TRIO: variants seen among roughly 807,000 people sequenced by gnomAD.
The protein encoded by TRIO is trio Rho guanine nucleotide exchange factor, also known as triple functional domain protein.
A neutral mutation model predicts 351.9 loss-of-function variants in TRIO; 58 were observed. That is an observed-to-expected ratio of 0.16 (90% CI 0.13 to 0.21). The LOEUF is 0.21. Among genes scored for constraint, TRIO ranks in the 10% least tolerant of loss-of-function variants. The pLI is 1.00. For missense variants in TRIO, 3,201 were observed against 4,027.8 expected, an observed-to-expected ratio of 0.79 and a Z score of 5.56; for synonymous variants, 1,758 against 1,595.7, an observed-to-expected ratio of 1.10 and a Z score of -2.42.
intron 34 of TRIO, among the ~76,000 whole-genome samples, chr5:14,452,258 G>A (rs1040135816): frequency 1.3e-5 from 2 of 152,174 alleles, no homozygotes; most frequent in Admixed American, 6.5e-5. Context: ...TCGTCTCGCC[G>A]CTCTGCTTCA....
intron 10 of TRIO, among the ~76,000 whole-genome samples, chr5:14,333,726 A>T (rs1011646076): frequency 2.0e-5 from 3 of 152,174 alleles, no homozygotes; most frequent in Non-Finnish European, 4.4e-5. Context: ...GCAAAGTCTC[A>T]TGCACCTTTG....
intron 1 of TRIO, among the ~76,000 whole-genome samples, chr5:14,232,301 C>T (rs976144910): frequency 1.3e-5 from 2 of 152,222 alleles, no homozygotes; most frequent in Non-Finnish European, 2.9e-5. Context: ...AATACACCTT[C>T]CATACCACTC....
chr5:14,488,137 G>A lies in TRIO; in HGVS notation c.7509G>A (p.Pro2503=), dbSNP rs745550470. The change falls in exon 48 of 57, where the codon CCG becomes CCA. Residue 2503 remains proline, a synonymous_variant. Transcript: ENST00000344204. Reference sequence around the variant, plus strand: ...GCCGACCCGGCTCCTTCACCTTCCCGGGGGACAGCGACTCCCTCCAGCGGC... The same window carrying A: ...GCCGACCCGGCTCCTTCACCTTCCCAGGGGACAGCGACTCCCTCCAGCGGC... ...PASRPGSFTF[P]GDSDSLQRQT... is the part of the protein sequence containing the mutation. The A allele has an allele frequency of 6.8e-6, 11 of 1,607,882 alleles. No homozygotes were observed. Among genetic ancestry groups the A allele is most frequent in the Middle Eastern group, 1.6e-4 (1 of 6,080 alleles).
chr5:14,387,814 A>G lies in TRIO; in HGVS notation c.3848A>G (p.Asn1283Ser). Reference protein sequence around the residue: ...VKLRDAAHELNEEKRKSARRK... With the variant: ...VKLRDAAHELSEEKRKSARRK... Reference sequence around the variant, plus strand: ...CTTCGAGATGCTGCTCATGAACTTAATGAAGAGAAGCGGAAATCTGCCCGC... The same window carrying G: ...CTTCGAGATGCTGCTCATGAACTTAGTGAAGAGAAGCGGAAATCTGCCCGC... The change falls in exon 23 of 57, where the codon AAT becomes AGT. Residue 1283 changes from asparagine (N) to serine (S), a missense_variant. By Grantham distance (46) the Asn-to-Ser change is conservative. Transcript: ENST00000344204. 6.2e-7 allele frequency: 1 copy of G among 1,614,188 alleles called. No individual in the cohort carries two copies. Among genetic ancestry groups the G allele is most frequent in the Non-Finnish European group, 8.5e-7 (1 of 1,180,048 alleles).
chr5:14,258,040 A>ACC lies in TRIO; in HGVS notation c.158-12779_158-12778dup, dbSNP rs368915850. ...AGAGACTAGGTAACTGCCCACAGTC[A>ACC]CCCCCCCTGGGAGGTGGCAAGCCCA... On this transcript the variant is annotated intron_variant, in intron 1 of 56. Coordinates refer to ENST00000344204, the MANE Select transcript of TRIO (RefSeq NM_007118.4). 4.9e-3 allele frequency among the ~76,000 whole-genome samples: 750 copies of ACC among 152,002 alleles called. 6 individuals are homozygous for ACC. The highest frequency in any genetic ancestry group is 0.016 in the African/African-American group (668 of 41,376).
At chr5:14,435,673 CTTATATCAG>C (rs1211294756) in intron 34 of TRIO, among the ~76,000 whole-genome samples, 1 of 152,160 alleles carries the variant, frequency 6.6e-6, no homozygotes, top group Non-Finnish European at 1.5e-5. Flanking sequence ...CCATTCTTTA[CTTATATCAG>C]TTGGAGTCGT....
chr5:14,200,696 G>T (rs1456319056), intron 1 of TRIO, among the ~76,000 whole-genome samples: 1 of 152,174 alleles, frequency 6.6e-6, no homozygotes, highest in Non-Finnish European at 1.5e-5. Context: ...GTAAGGGAGG[G>T]AGTCATTGAT....
chr5:14,439,386 A>G (rs1751846309), intron 34 of TRIO, among the ~76,000 whole-genome samples: 1 of 152,184 alleles, frequency 6.6e-6, no homozygotes, highest in South Asian at 2.1e-4. Flanking sequence ...TATTGTACTC[A>G]TTTTTAAGCT....
At chr5:14,207,493 C>CACACACACAG (rs1554033481) in intron 1 of TRIO, among the ~76,000 whole-genome samples, 1 of 60,018 alleles carries the variant, frequency 1.7e-5, no homozygotes, top group Non-Finnish European at 4.1e-5. Context: ...CACACACACA[C>CACACACACAG]AGCCAGGTAG....
intron 1 of TRIO, among the ~76,000 whole-genome samples, chr5:14,236,996 A>T (rs1368117654): frequency 6.6e-6 from 1 of 152,126 alleles, no homozygotes; most frequent in African/African-American, 2.4e-5. Context: ...AACCTGGTGC[A>T]CCTTTGTAAG....
rs1737428534 is a variant in TRIO, at chr5:14,297,108, G to A, written c.1213G>A (p.Ala405Thr). ...YVNINRIMSV[A>T]NRLVESGHYA... The stretch of plus-strand genomic sequence containing the variant: ...AAATATAAACCGCATCATGTCGGTG[G>A]CCAATCGTCTGGTGGAGTCTGGCCA... The change falls in exon 7 of 57, where the codon GCC becomes ACC. Residue 405 changes from alanine to threonine, a missense_variant. By Grantham distance (58) the Ala-to-Thr change is moderately conservative. Around this residue, in one of 19 missense-constraint regions of TRIO, gnomAD observed 349 missense variants for 449.3 expected, o/e 0.78. Transcript: ENST00000344204. 6.2e-7 allele frequency: 1 copy of A among 1,613,672 alleles called. No individual in the cohort carries two copies. Among genetic ancestry groups the A allele is most frequent in the Admixed American group, 1.7e-5 (1 of 59,996 alleles).
At chr5:14,381,297 C>T (rs764416886) in intron 21 of TRIO, 45 bp downstream of exon 21, 3 of 1,540,786 alleles carry the variant, frequency 1.9e-6, no homozygotes, top group Non-Finnish European at 2.6e-6. Context: ...AAGTCGAAAG[C>T]GAGTCTTCAA....
At chr5:14,397,281 A>T in intron 29 of TRIO, 127 bp downstream of exon 29, 1 of 720,120 alleles carries the variant, frequency 1.4e-6, no homozygotes, top group East Asian at 2.8e-5. Flanking sequence ...AACATTTCTT[A>T]AAGAATCAGT....
At chr5:14,197,457 G>T (rs151902) in intron 1 of TRIO, among the ~76,000 whole-genome samples, 132,411 of 152,220 alleles carry the variant, frequency 0.87, 57,775 homozygotes, top group East Asian at 0.99. Flanking sequence ...CTCTTTTCTT[G>T]TCTTCTTCTT....
intron 46 of TRIO, among the ~76,000 whole-genome samples, chr5:14,483,682 C>T (rs533700071): frequency 6.6e-5 from 10 of 152,304 alleles, no homozygotes; most frequent in Non-Finnish European, 1.2e-4. Context: ...CCTAGGAGGG[C>T]TCTGGAGCCA....
intron 1 of TRIO, among the ~76,000 whole-genome samples, chr5:14,226,650 A>G (rs1337784412): frequency 6.6e-6 from 1 of 152,254 alleles, no homozygotes; most frequent in Non-Finnish European, 1.5e-5. Context: ...TAATAATCAC[A>G]ACGTTATAGT....
chr5:14,336,421 A>C, intron 10 of TRIO, 115 bp from the exon 11 acceptor site: 1 of 1,066,990 alleles, frequency 9.4e-7, no homozygotes, highest in African/African-American at 1.6e-5. Context: ...TGTTTGATTC[A>C]TGTAAGTGAT....
intron 1 of TRIO, among the ~76,000 whole-genome samples, chr5:14,179,487 G>T (rs1789617773): frequency 6.7e-6 from 1 of 148,874 alleles, no homozygotes. Flanking sequence ...TTTTTTTTAG[G>T]GTCTCACTCT....
intron 34 of TRIO, among the ~76,000 whole-genome samples, chr5:14,424,480 G>T (rs1750472621): frequency 6.6e-6 from 1 of 152,158 alleles, no homozygotes; most frequent in Non-Finnish European, 1.5e-5. Context: ...TGCAGTGAAT[G>T]AGAAAATTAA....
Sources: allele counts gnomAD v4.1 joint callset (sites outside exome capture counted in the v4.1 genomes callset), GRCh38; gene constraint gnomAD v4.1.1; regional missense constraint gnomAD v4.1.1; transcripts MANE v1.5; gene names NCBI Gene and HGNC (gene_info 2026-07-23, HGNC 2026-07-21).